The following MID2 variants were observed in gnomAD, a reference collection of about 807,000 sequenced individuals.
The protein encoded by MID2 is midline 2.
MID2 carries 13 observed loss-of-function variants against 46.1 expected under a neutral mutation model. That is an observed-to-expected ratio of 0.28 (90% CI 0.18 to 0.45). The LOEUF is 0.45. MID2 is among the 20% of genes least tolerant of loss of function. MID2 has a pLI of 1.00. For synonymous variants in MID2, 199 were observed against 212.3 expected, an observed-to-expected ratio of 0.94 and a Z score of 0.55; for missense variants, 431 against 575.4, an observed-to-expected ratio of 0.75 and a Z score of 2.57.
intron 5 of MID2, among the ~76,000 whole-genome samples, chrX:107,910,365 T>C (rs1015365088): frequency 2.7e-5 from 3 of 112,424 alleles, no homozygotes; most frequent in Non-Finnish European, 5.6e-5. Context: ...TATTACATTA[T>C]GTATCTATAC....
intron 2 of MID2, 105 bp downstream of exon 2, chrX:107,841,490 CTT>C: frequency 3.5e-6 from 2 of 570,912 alleles, no homozygotes; most frequent in Non-Finnish European, 5.5e-6. Flanking sequence ...AGTGAGTTAA[CTT>C]TAAGTTGTTC....
At chrX:107,904,787 C>T (rs901773573) in intron 4 of MID2, among the ~76,000 whole-genome samples, 2 of 111,850 alleles carry the variant, frequency 1.8e-5, no homozygotes, top group Non-Finnish European at 3.8e-5. Context: ...AAGTGTGAGC[C>T]TCCATACAGC....
At chrX:107,886,873 C>T (rs908011609) in intron 3 of MID2, among the ~76,000 whole-genome samples, 1 of 111,596 alleles carries the variant, frequency 9.0e-6, no homozygotes. Context: ...GTATTTTATT[C>T]TCTTTGAAGC....
intron 2 of MID2, among the ~76,000 whole-genome samples, chrX:107,845,521 ACACACT>A (rs1191749677): frequency 7.0e-5 from 6 of 85,708 alleles, no homozygotes; most frequent in African/African-American, 4.8e-4. Context: ...ACACACACAC[ACACACT>A]CTCTCTCTCT....
rs1465404886 is a variant in MID2 at position 107,887,168 on chromosome X, G to T, written c.817-16790G>T. ...AGAACTTCCAACACTGTGTTGAATAGGAGTGGTGAGAGAGGGCATCCCTGT... is the reference window on the plus strand; with the variant it reads ...AGAACTTCCAACACTGTGTTGAATATGAGTGGTGAGAGAGGGCATCCCTGT... On this transcript the variant is annotated intron_variant, in intron 3 of 9. Coordinates refer to ENST00000262843, the MANE Select transcript of MID2 (RefSeq NM_012216.4). Among the ~76,000 whole-genome samples the T allele has an allele frequency of 1.6e-3, 178 of 111,686 alleles. 1 individual carries two copies. Among genetic ancestry groups the T allele is most frequent in the Non-Finnish European group, 2.5e-3 (134 of 53,125 alleles).
chrX:107,826,530 C>G (rs771194278), intron 1 of MID2, 100 bp downstream of exon 1: 3 of 984,396 alleles, frequency 3.0e-6, no homozygotes, highest in Admixed American at 3.7e-5. Flanking sequence ...CGCCGGGGCC[C>G]GGCGTTGGCC....
intron 3 of MID2, among the ~76,000 whole-genome samples, chrX:107,871,742 G>A (rs779415934): frequency 6.3e-5 from 7 of 110,738 alleles, no homozygotes; most frequent in South Asian, 3.9e-4. Flanking sequence ...ACTCCTCTTC[G>A]AAGCAACACC....
At chrX:107,877,940 T>G (rs753313737) in intron 3 of MID2, among the ~76,000 whole-genome samples, 1 of 107,348 alleles carries the variant, frequency 9.3e-6, no homozygotes, top group Admixed American at 1.0e-4. Flanking sequence ...GCGGGGCCAC[T>G]CCTCCATTGC....
chrX:107,917,630 T>G lies in MID2; in HGVS notation c.1326T>G (p.Thr442=). The G allele has an allele frequency of 1.7e-6, 2 of 1,211,808 alleles. No individual in the cohort carries two copies. The highest frequency in any genetic ancestry group is 2.2e-6 in the Non-Finnish European group (2 of 895,433). Residue 442 remains threonine (T), a synonymous_variant, in exon 7 of 10, where the codon ACT becomes ACG. Transcript: ENST00000262843. The stretch of plus-strand genomic sequence containing the variant: ...ATGAGCTTCAGTACACCATATTCAC[T>G]GGCCAGGCTAACTTCATCAGTAAGT... ...SSYELQYTIF[T]GQANFISKSW... is the part of the protein sequence containing the mutation.
At chrX:107,923,878 C>T (rs1049608359) in intron 7 of MID2, among the ~76,000 whole-genome samples, 3 of 111,863 alleles carry the variant, frequency 2.7e-5, no homozygotes, top group African/African-American at 9.7e-5. Flanking sequence ...CCTAGTTTCC[C>T]ATTTGTAAAA....
At position 107,849,140 on chromosome X, in the gene MID2, T is replaced by C. The variant is rs891887101; in HGVS notation, c.721-5469T>C. ...GATCTTGTCTAGGTTTAGATAATAT[T>C]CCCCTTGTACCTTTTAGACAGCAAG... On this transcript the variant is annotated intron_variant, in intron 2 of 9. Coordinates refer to ENST00000262843, the MANE Select transcript of MID2 (RefSeq NM_012216.4). Among the ~76,000 whole-genome samples the C allele has an allele frequency of 4.5e-5, 5 of 111,933 alleles. No homozygotes were observed. In the Admixed American group the frequency reaches 4.7e-4, roughly 11 times the overall value.
chrX:107,866,564 TA>T (rs1368639481), intron 3 of MID2, among the ~76,000 whole-genome samples: 4 of 110,738 alleles, frequency 3.6e-5, no homozygotes, highest in Admixed American at 2.9e-4. Flanking sequence ...ATGGTGTTCC[TA>T]AGTGGACCTT....
intron 2 of MID2, among the ~76,000 whole-genome samples, chrX:107,849,157 G>A (rs1931554299): frequency 8.9e-6 from 1 of 111,888 alleles, no homozygotes; most frequent in Admixed American, 9.5e-5. Context: ...GTACCTTTTA[G>A]ACAGCAAGAG....
At chrX:107,835,442 C>A (rs1931181109) in intron 1 of MID2, among the ~76,000 whole-genome samples, 1 of 112,301 alleles carries the variant, frequency 8.9e-6, no homozygotes, top group Non-Finnish European at 1.9e-5. Context: ...CCAAAAGCAG[C>A]TGCACCATTT....
intron 3 of MID2, among the ~76,000 whole-genome samples, chrX:107,888,713 G>A (rs898804693): frequency 5.4e-5 from 6 of 111,303 alleles, no homozygotes; most frequent in Non-Finnish European, 1.1e-4. Flanking sequence ...TTGACAATGC[G>A]GGGGTGTTAA....
intron 3 of MID2, among the ~76,000 whole-genome samples, chrX:107,897,821 T>C (rs186056125): frequency 7.0e-4 from 79 of 112,352 alleles, no homozygotes; most frequent in Non-Finnish European, 1.4e-3. Context: ...ATAAACATTG[T>C]GTTTTCTTAA....
intron 2 of MID2, among the ~76,000 whole-genome samples, chrX:107,852,773 A>T (rs1366763954): frequency 8.9e-6 from 1 of 112,081 alleles, no homozygotes; most frequent in East Asian, 2.8e-4. Flanking sequence ...ACAGGTACTT[A>T]GCAGACAGAA....
chrX:107,863,066 A>G (rs1263384858), intron 3 of MID2, among the ~76,000 whole-genome samples: 2 of 112,290 alleles, frequency 1.8e-5, no homozygotes, highest in Non-Finnish European at 3.8e-5. Flanking sequence ...ATATAGATGA[A>G]AAACCTAAGT....
rs375584547 is a variant in MID2, at chrX:107,840,928, G to T, written c.263G>T (p.Arg88Leu). The T allele has an allele frequency of 1.7e-6, 2 of 1,211,304 alleles. No individual in the cohort carries two copies. The highest frequency in any genetic ancestry group is 2.2e-6 in the Non-Finnish European group (2 of 895,378). ...AGGTATGTTATCTCGCTGAACCACC[G>T]GGGCCTGGATGGCCTCAAGAGGAAT... ...TCRYVISLNH[R>L]GLDGLKRNVT... The change falls in exon 2 of 10, where the codon CGG (arginine) becomes CTG (leucine). Residue 88 changes from arginine (R) to leucine (L), a missense_variant. Coordinates refer to ENST00000262843, the MANE Select transcript of MID2 (RefSeq NM_012216.4).
Sources: gnomAD v4.1 joint callset for allele counts (sites outside exome capture counted in the v4.1 genomes callset) on GRCh38, gnomAD v4.1.1 for gene constraint, MANE v1.5 for transcripts, NCBI Gene and HGNC (gene_info 2026-07-23, HGNC 2026-07-21) for gene names.